SP140: variants seen among roughly 807,000 people sequenced by gnomAD.
SP140 encodes nuclear body protein SP140.
A neutral mutation model predicts 125.0 loss-of-function variants in SP140; 81 were observed. The ratio of observed to expected loss-of-function variants is 0.65; its 90% CI spans 0.54 to 0.78. SP140 has a LOEUF of 0.78. SP140 is among the 30% of genes least tolerant of loss of function. The pLI, the probability that SP140 is intolerant of heterozygous loss-of-function variation, is 0.00. For synonymous variants in SP140, 312 were observed against 354.0 expected, an observed-to-expected ratio of 0.88 and a Z score of 1.33; for missense variants, 858 against 1,037.0, an observed-to-expected ratio of 0.83 and a Z score of 2.37.
intron 2 of SP140, among the ~76,000 whole-genome samples, 179 bp from the exon 3 acceptor site, chr2:230,238,034 A>G (rs979806243): frequency 6.6e-6 from 1 of 152,250 alleles, no homozygotes; most frequent in Non-Finnish European, 1.5e-5. Flanking sequence ...CAACAATGTC[A>G]GAGAGTCAGG....
chr2:230,285,715 CAG>C, intron 16 of SP140, 35 bp from the exon 17 acceptor site: 1 of 1,535,114 alleles, frequency 6.5e-7, no homozygotes, highest in Non-Finnish European at 9.0e-7. Flanking sequence ...TTGTTCTGCC[CAG>C]TTCTATTAAT....
chr2:230,226,810 C>G (rs1369253643), intron 1 of SP140, among the ~76,000 whole-genome samples: 1 of 149,484 alleles, frequency 6.7e-6, no homozygotes, highest in Non-Finnish European at 1.5e-5. Context: ...GTCATTTCTT[C>G]TTATCTGTGG....
chr2:230,278,153 G>A (rs2054999808), intron 15 of SP140, among the ~76,000 whole-genome samples: 1 of 152,060 alleles, frequency 6.6e-6, no homozygotes, highest in Non-Finnish European at 1.5e-5. Context: ...GTTATCTCCT[G>A]CCTTTTTGCT....
chr2:230,246,101 A>G (rs962185850), intron 7 of SP140, among the ~76,000 whole-genome samples, 161 bp downstream of exon 7: 5 of 152,106 alleles, frequency 3.3e-5, no homozygotes, highest in Admixed American at 2.6e-4. Flanking sequence ...ATCCATCTGT[A>G]TATTCATCTG....
Sources: allele counts gnomAD v4.1 joint callset (sites outside exome capture counted in the v4.1 genomes callset), GRCh38; gene constraint gnomAD v4.1.1; transcripts MANE v1.5; gene names NCBI Gene and HGNC (gene_info 2026-07-23, HGNC 2026-07-21).